ZFP3: variants seen among roughly 807,000 people sequenced by gnomAD.
ZFP3 encodes the protein ZFP3 zinc finger protein.
Under a neutral mutation model 36.7 loss-of-function variants are expected in ZFP3, and 18 were observed. The observed-to-expected ratio is 0.49, with a 90% CI of 0.34 to 0.73. The LOEUF (loss-of-function observed/expected upper bound fraction) is 0.73. Among genes scored for constraint, ZFP3 ranks in the 30% least tolerant of loss-of-function variants. ZFP3 has a pLI of 0.01. For missense variants in ZFP3, 495 were observed against 599.0 expected (o/e 0.83, Z 1.81); for synonymous variants, 218 against 199.0 (o/e 1.10, Z -0.81).
rs2072079853 is a variant in ZFP3, at chr17:5,078,988, A to G, written c.-9+413A>G. Among the ~76,000 whole-genome samples the G allele has an allele frequency of 6.6e-6, 1 of 152,156 alleles. No homozygotes were observed. The highest frequency in any genetic ancestry group is 2.4e-5 in the African/African-American group (1 of 41,422). ...ATTGTGCCCTGTGCTGCCAGACAAGATATTGGCTTATGAGGGGTGGTCGTG... is the reference window on the plus strand; with the variant it reads ...ATTGTGCCCTGTGCTGCCAGACAAGGTATTGGCTTATGAGGGGTGGTCGTG... On this transcript the variant is annotated intron_variant, in intron 1 of 1. Coordinates refer to ENST00000318833, the MANE Select transcript of ZFP3 (RefSeq NM_153018.3). The surrounding 1 kb of genome is among the most constrained non-coding windows in gnomAD (Gnocchi z 4.5).
In ZFP3 at chr17:5,091,687, G is replaced by T; in HGVS notation, c.183G>T (p.Gln61His). 1 of 1,614,236 alleles carries T rather than the reference G, an allele frequency of 6.2e-7. No homozygotes were observed. Among genetic ancestry groups the T allele is most frequent in the East Asian group, 2.2e-5 (1 of 44,886 alleles). Residue 61 changes from glutamine (Q) to histidine (H), a missense_variant, in exon 2 of 2, where the codon CAG becomes CAT. Around this residue, in one of 3 missense-constraint regions of ZFP3, gnomAD observed 229 missense variants for 233.8 expected, o/e 0.98. Coordinates refer to ENST00000318833, the MANE Select transcript of ZFP3 (RefSeq NM_153018.3). ...AGTCCATGGAAGAGGTTATAGAGCAGATGTCTCCTCAGGAGAGAGACTTTC... is the reference window on the plus strand; with the variant it reads ...AGTCCATGGAAGAGGTTATAGAGCATATGTCTCCTCAGGAGAGAGACTTTC... ...SRESMEEVIE[Q>H]MSPQERDFPS...
rs185721115 is a variant in ZFP3 at position 5,096,219 on chromosome 17, G to A, written c.*3206G>A. 18 of 167,018 alleles carry A rather than the reference G, an allele frequency of 1.1e-4. No individual in the cohort carries two copies. The East Asian group carries it at 1.2e-3, about 11-fold the overall frequency. The allele number at this position is 167,018 out of a possible 1,614,324, so 10.3% of individuals were successfully genotyped here. A position where few individuals can be genotyped will look rare whatever the true frequency, so the allele number is the denominator to read the frequency against. On this transcript the variant is annotated 3_prime_UTR_variant, in exon 2 of 2. Transcript: ENST00000318833. ...TTAATTTTAGACCCATTAAAAAACC[G>A]CACAGGCCTCAATCTTAAAAGTCCT...
At position 5,092,166 on chromosome 17, in the gene ZFP3, G is replaced by A; in HGVS notation, c.662G>A (p.Gly221Glu). The A allele has an allele frequency of 6.2e-7, 1 of 1,614,182 alleles. No homozygotes were observed. Among genetic ancestry groups the A allele is most frequent in the Non-Finnish European group, 8.5e-7 (1 of 1,180,040 alleles). ...HLIHHHRIHT[G>E]ERPYKCEECG... is the part of the protein sequence containing the mutation. Reference sequence around the variant, plus strand: ...ATTCACCATCATAGAATTCATACTGGAGAGAGACCCTATAAATGTGAAGAA... The same window carrying A: ...ATTCACCATCATAGAATTCATACTGAAGAGAGACCCTATAAATGTGAAGAA... The change falls in exon 2 of 2, where the codon GGA (glycine) becomes GAA (glutamate). Residue 221 changes from glycine to glutamate, a missense_variant. Transcript: ENST00000318833. The surrounding 1 kb of genome is among the most constrained non-coding windows in gnomAD (Gnocchi z 5.0).
intron 1 of ZFP3, among the ~76,000 whole-genome samples, chr17:5,079,230 G>A (rs1352669542): frequency 6.6e-6 from 1 of 152,180 alleles, no homozygotes; most frequent in African/African-American, 2.4e-5. Context: ...GCCATCAAGA[G>A]TATTACAGAG....
Position 5,091,870 on chromosome 17 carries a change from C to G in ZFP3, c.366C>G (p.Phe122Leu), listed in dbSNP as rs1416693896. The change falls in exon 2 of 2, where the codon TTC becomes TTG. Residue 122 changes from phenylalanine to leucine, a missense_variant. Physicochemically the swap from Phe to Leu is conservative, Grantham distance 22 (BLOSUM62 0). Around this residue, in one of 3 missense-constraint regions of ZFP3, gnomAD observed 229 missense variants for 233.8 expected, o/e 0.98. Coordinates refer to ENST00000318833, the MANE Select transcript of ZFP3 (RefSeq NM_153018.3). ...CATTTGCTACCTCTGGCCAAAACTT[C>G]CTAGAGATTTTAGAATCTAACAAAA... ...VSAFATSGQN[F>L]LEILESNKTQ... 6.2e-7 allele frequency: 1 copy of G among 1,614,184 alleles called. No homozygotes were observed. Among genetic ancestry groups the G allele is most frequent in the Non-Finnish European group, 8.5e-7 (1 of 1,180,022 alleles).
intron 1 of ZFP3, among the ~76,000 whole-genome samples, chr17:5,084,338 G>T (rs1173000301): frequency 8.3e-6 from 1 of 120,002 alleles, no homozygotes; most frequent in Non-Finnish European, 1.7e-5. Flanking sequence ...TGCAGTGGCG[G>T]GATCTCGGCT....
chr17:5,083,545 C>CAA (rs35689875), intron 1 of ZFP3, among the ~76,000 whole-genome samples: 120 of 138,882 alleles, frequency 8.6e-4, no homozygotes, highest in South Asian at 1.7e-3. Flanking sequence ...AACTCTATCT[C>CAA]AAAAAAAAAA....
chr17:5,091,985 A>G lies in ZFP3; in HGVS notation c.481A>G (p.Arg161Gly). 1 of 1,614,220 alleles carries G rather than the reference A, an allele frequency of 6.2e-7. No homozygotes were observed. The highest frequency in any genetic ancestry group is 8.5e-7 in the Non-Finnish European group (1 of 1,180,012). ...GAACTCACATCTCATCCAGCATATGAGAGTTCATAGTGGAGAAAAACCCTT... is the reference window on the plus strand; with the variant it reads ...GAACTCACATCTCATCCAGCATATGGGAGTTCATAGTGGAGAAAAACCCTT... ...NQNSHLIQHM[R>G]VHSGEKPFEC... The change falls in exon 2 of 2, where the codon AGA becomes GGA. Residue 161 changes from arginine to glycine, a missense_variant. Physicochemically the swap from Arg to Gly is moderately radical, Grantham distance 125. Transcript: ENST00000318833.
At chr17:5,089,450 T>C (rs1597906231) in intron 1 of ZFP3, among the ~76,000 whole-genome samples, 1 of 152,202 alleles carries the variant, frequency 6.6e-6, no homozygotes, top group African/African-American at 2.4e-5. Context: ...CACTGTCTCA[T>C]TGGCTAGAAT....
At chr17:5,087,079 T>A (rs1165949118) in intron 1 of ZFP3, among the ~76,000 whole-genome samples, 1 of 142,576 alleles carries the variant, frequency 7.0e-6, no homozygotes, top group Non-Finnish European at 1.5e-5. Flanking sequence ...TGCATTTGAT[T>A]TTTTTTTTTT....
intron 1 of ZFP3, among the ~76,000 whole-genome samples, chr17:5,083,347 C>T (rs2072103687): frequency 6.6e-6 from 1 of 152,040 alleles, no homozygotes; most frequent in Non-Finnish European, 1.5e-5. Flanking sequence ...CACCTGAGGT[C>T]AGGAGTTGGA....
chr17:5,080,729 G>GC (rs924453232), intron 1 of ZFP3, among the ~76,000 whole-genome samples: 3 of 151,696 alleles, frequency 2.0e-5, no homozygotes, highest in African/African-American at 7.3e-5. Flanking sequence ...ACTCCTCCCA[G>GC]CCCCCCTTCA....
At chr17:5,088,014 C>T (rs1445706356) in intron 1 of ZFP3, among the ~76,000 whole-genome samples, 3 of 152,108 alleles carry the variant, frequency 2.0e-5, no homozygotes, top group South Asian at 2.1e-4. Context: ...GGCTTCTGTT[C>T]GCAGCCTCTG....
chr17:5,091,116 A>G (rs2072147465), intron 1 of ZFP3, among the ~76,000 whole-genome samples: 1 of 151,586 alleles, frequency 6.6e-6, no homozygotes, highest in African/African-American at 2.4e-5. Flanking sequence ...TTTACCATCC[A>G]TTTCCTACTT....
intron 1 of ZFP3, among the ~76,000 whole-genome samples, chr17:5,090,862 T>C (rs1303195162): frequency 6.6e-6 from 1 of 151,974 alleles, no homozygotes; most frequent in Non-Finnish European, 1.5e-5. Context: ...GTAGACAGGG[T>C]TTCGCCATGT....
At chr17:5,090,442 T>A (rs531023374) in intron 1 of ZFP3, among the ~76,000 whole-genome samples, 3 of 152,328 alleles carry the variant, frequency 2.0e-5, no homozygotes, top group Admixed American at 2.0e-4. Context: ...AGTAGCCCTT[T>A]GGAGAAGTTT....
At chr17:5,083,806 C>G (rs2143521691) in intron 1 of ZFP3, among the ~76,000 whole-genome samples, 1 of 152,164 alleles carries the variant, frequency 6.6e-6, no homozygotes, top group South Asian at 2.1e-4. Context: ...TTTCAGGGCT[C>G]CTAAGCAATT....
chr17:5,093,072 A>C lies in ZFP3; in HGVS notation c.*59A>C. ...TAAAGTCCAACTTATTCATTTGTTC[A>C]TAATATGCAAATATGCACCCCAAGT... On this transcript the variant is annotated 3_prime_UTR_variant, in exon 2 of 2. Transcript: ENST00000318833. 1.3e-6 allele frequency: 2 copies of C among 1,495,568 alleles called. No homozygotes were observed. The highest frequency in any genetic ancestry group is 1.8e-6 in the Non-Finnish European group (2 of 1,117,774). 92.6% of individuals were successfully genotyped at this position (1,495,568 alleles called of 1,614,324 possible).
intron 1 of ZFP3, among the ~76,000 whole-genome samples, chr17:5,086,346 A>G (rs1487690985): frequency 1.4e-4 from 21 of 152,104 alleles, no homozygotes; most frequent in Non-Finnish European, 5.9e-5. Flanking sequence ...GGCTGGGCAG[A>G]GAGAAGGGGA....
Sources: allele counts gnomAD v4.1 joint callset (sites outside exome capture counted in the v4.1 genomes callset), GRCh38; gene constraint gnomAD v4.1.1; regional missense constraint gnomAD v4.1.1; non-coding constraint Gnocchi (gnomAD v3.1); transcripts MANE v1.5; gene names NCBI Gene and HGNC (gene_info 2026-07-23, HGNC 2026-07-21).